RPH3AL: variants seen among roughly 807,000 people sequenced by gnomAD.
RPH3AL encodes the protein rabphilin 3A like (without C2 domains), also known as rab effector Noc2.
In RPH3AL, 38 loss-of-function variants were observed where a neutral mutation model predicts 43.1. The ratio of observed to expected loss-of-function variants is 0.88; its 90% CI spans 0.68 to 1.15. RPH3AL has a LOEUF of 1.15. Among genes scored for constraint, RPH3AL ranks in the 50% most tolerant of loss-of-function variants. The pLI is 0.00. For synonymous variants in RPH3AL, 189 were observed against 176.3 expected (o/e 1.07, Z -0.57); for missense variants, 462 against 423.2 (o/e 1.09, Z -0.81).
chr17:311,668 C>T (rs563150197), intron 5 of RPH3AL, among the ~76,000 whole-genome samples: 4 of 152,204 alleles, frequency 2.6e-5, no homozygotes, highest in South Asian at 2.1e-4. Context: ...ATACGAGTAA[C>T]GAGACAATTA....
chr17:236,487 A>G (rs550085121), intron 7 of RPH3AL, among the ~76,000 whole-genome samples: 232 of 152,290 alleles, frequency 1.5e-3, no homozygotes, highest in African/African-American at 5.4e-3. Context: ...TATCGGACAC[A>G]GAACAGAAAT....
intron 1 of RPH3AL, among the ~76,000 whole-genome samples, chr17:335,328 C>T (rs939024373): frequency 1.3e-5 from 2 of 152,024 alleles, no homozygotes; most frequent in Admixed American, 1.3e-4. Context: ...CCTAGGACAC[C>T]CACGTGCGAA....
chr17:307,149 C>T (rs2043509782), intron 5 of RPH3AL, among the ~76,000 whole-genome samples: 1 of 151,510 alleles, frequency 6.6e-6, no homozygotes, highest in South Asian at 2.1e-4. Context: ...ATGGCAGGTC[C>T]TCCCCATGGC....
intron 2 of RPH3AL, chr17:332,003 C>T: frequency 3.1e-6 from 2 of 654,186 alleles, no homozygotes; most frequent in Non-Finnish European, 4.7e-6. Context: ...GGAGCAGAGG[C>T]AGGAGGTTCT....
rs765228020 is a variant in RPH3AL, at chr17:213,890, C to T, written c.910G>A (p.Asp304Asn). ...CTGGAGGGGCCTGCTGGAGCTGCGT[C>T]AGCAGCGGGGGCTCGTCCAGGTGTG... ...KDTPGRAPAA[D>N]AAPAGPSSCL... Residue 304 changes from aspartate to asparagine, a missense_variant, in exon 10 of 10, where the codon GAC (aspartate) becomes AAC (asparagine). Transcript: ENST00000331302. 6.1e-5 allele frequency: 99 copies of T among 1,613,800 alleles called. No individual in the cohort carries two copies. Among genetic ancestry groups the T allele is most frequent in the Middle Eastern group, 1.7e-4 (1 of 5,920 alleles).
rs534420880 is a variant in RPH3AL at position 298,204 on chromosome 17, C to T, written c.352-16350G>A. Among the ~76,000 whole-genome samples, 362 of 152,316 alleles carry T rather than the reference C, an allele frequency of 2.4e-3. 2 individuals carry two copies. Among genetic ancestry groups the T allele is most frequent in the African/African-American group, 8.3e-3 (343 of 41,570 alleles). ...CACCCAGCCAAAGTCAGGAGACCGT[C>T]CACGTCCTCCAGCTCTGCCCCCACC... is the stretch of plus-strand genomic sequence containing the variant. On this transcript the variant is annotated intron_variant, in intron 5 of 9. Coordinates refer to ENST00000331302, the MANE Select transcript of RPH3AL (RefSeq NM_006987.4).
intron 6 of RPH3AL, chr17:261,654 C>G (rs782424415): frequency 5.9e-5 from 9 of 152,228 alleles, no homozygotes; most frequent in Non-Finnish European, 1.2e-4. Context: ...GACTCTGGAT[C>G]TAGAATTCTA....
rs2040728873 is a variant in RPH3AL at position 213,899 on chromosome 17, G to A, written c.901C>T (p.Pro301Ser). The A allele has an allele frequency of 8.1e-6, 13 of 1,613,410 alleles. No individual in the cohort carries two copies. The highest frequency in any genetic ancestry group is 5.0e-5 in the Admixed American group (3 of 59,874). The change falls in exon 10 of 10, where the codon CCC becomes TCC. Residue 301 changes from proline (P) to serine (S), a missense_variant. Pro to Ser is a moderately conservative substitution (Grantham distance 74). Coordinates refer to ENST00000331302, the MANE Select transcript of RPH3AL (RefSeq NM_006987.4). ...APVKDTPGRA[P>S]AADAAPAGPS... The stretch of plus-strand genomic sequence containing the variant: ...CCTGCTGGAGCTGCGTCAGCAGCGG[G>A]GGCTCGTCCAGGTGTGTCTTTTACC...
At chr17:277,110 CAGAG>C (rs1351002273) in intron 6 of RPH3AL, among the ~76,000 whole-genome samples, 2 of 152,100 alleles carry the variant, frequency 1.3e-5, no homozygotes, top group African/African-American at 4.8e-5. Flanking sequence ...AAAATGTAGA[CAGAG>C]AGCTATGCAC....
In RPH3AL at chr17:290,043, C is replaced by T. The variant is rs1176674433; in HGVS notation, c.352-8189G>A. ...ACCCTCCTGCTCCCTGTGCCCGGCA[C>T]AGTGACTATTTGCAGAAGAACGGAT... On this transcript the variant is annotated intron_variant, in intron 5 of 9. Transcript: ENST00000331302. The surrounding 1 kb of genome is among the most constrained non-coding windows in gnomAD (Gnocchi z 4.2). Among the ~76,000 whole-genome samples, 2 of 152,220 alleles carry T rather than the reference C, an allele frequency of 1.3e-5. No homozygotes were observed. Among genetic ancestry groups the T allele is most frequent in the Admixed American group, 1.3e-4 (2 of 15,288 alleles).
At chr17:292,590 G>C (rs57803378) in intron 5 of RPH3AL, among the ~76,000 whole-genome samples, 1 of 151,982 alleles carries the variant, frequency 6.6e-6, no homozygotes, top group Non-Finnish European at 1.5e-5. Flanking sequence ...TCTGAGCCTC[G>C]GTCCCGGGCT....
At chr17:324,163 C>T (rs979294010) in intron 3 of RPH3AL, among the ~76,000 whole-genome samples, 1 of 152,216 alleles carries the variant, frequency 6.6e-6, no homozygotes, top group African/African-American at 2.4e-5. Context: ...TGGCCTCCAC[C>T]GCTGACTCAA....
intron 9 of RPH3AL, among the ~76,000 whole-genome samples, chr17:214,996 G>A (rs956233004): frequency 6.6e-6 from 1 of 152,172 alleles, no homozygotes; most frequent in Non-Finnish European, 1.5e-5. Flanking sequence ...GGGAAGGAGA[G>A]AGGTGCGGCA....
chr17:253,242 C>G (rs1185868407), intron 6 of RPH3AL, among the ~76,000 whole-genome samples: 2 of 152,170 alleles, frequency 1.3e-5, no homozygotes, highest in African/African-American at 4.8e-5. Flanking sequence ...TGCTCCCCCA[C>G]CTCACGCCCA....
chr17:242,989 C>A (rs1408891859), intron 7 of RPH3AL, among the ~76,000 whole-genome samples: 4 of 135,186 alleles, frequency 3.0e-5, no homozygotes, highest in Non-Finnish European at 4.9e-5. Context: ...TATTGAATAC[C>A]TTCCTCTATT....
chr17:281,667 CGCCCAGCCCT>C, intron 6 of RPH3AL, 91 bp downstream of exon 6: 2 of 553,344 alleles, frequency 3.6e-6, no homozygotes, highest in Admixed American at 2.6e-5. Context: ...GTATCCAGCC[CGCCCAGCCCT>C]CCCCACCGTC....
intron 3 of RPH3AL, among the ~76,000 whole-genome samples, chr17:324,705 AT>A (rs1438433582): frequency 1.1e-4 from 12 of 109,268 alleles, no homozygotes; most frequent in African/African-American, 3.6e-4. Flanking sequence ...CTAGCTAGCT[AT>A]GTACCTATCT....
intron 7 of RPH3AL, among the ~76,000 whole-genome samples, chr17:240,160 C>T (rs1305799286): frequency 1.3e-5 from 2 of 150,572 alleles, no homozygotes; most frequent in Non-Finnish European, 2.9e-5. Flanking sequence ...TCACTTGAAC[C>T]CAGGAGGTGG....
In RPH3AL at chr17:245,584, T is replaced by G. The variant is rs2041744652; in HGVS notation, c.613+1527A>C. ...AGGCCTTCAGCCTCTCCGGCTCAAC[T>G]GGCTCCAAGCAGCATTTTAAACCCA... is the stretch of plus-strand genomic sequence containing the variant. On this transcript the variant is annotated intron_variant, in intron 7 of 9. Transcript: ENST00000331302. The surrounding 1 kb of genome is among the most constrained non-coding windows in gnomAD (Gnocchi z 5.9). 6.6e-6 allele frequency among the ~76,000 whole-genome samples: 1 copy of G among 152,122 alleles called. No individual in the cohort carries two copies. The highest frequency in any genetic ancestry group is 2.1e-4 in the South Asian group (1 of 4,828).
Sources: allele counts gnomAD v4.1 joint callset (sites outside exome capture counted in the v4.1 genomes callset), GRCh38; gene constraint gnomAD v4.1.1; non-coding constraint Gnocchi (gnomAD v3.1); transcripts MANE v1.5; gene names NCBI Gene and HGNC (gene_info 2026-07-23, HGNC 2026-07-21).